PDE3A: variants seen among roughly 807,000 people sequenced by gnomAD.
The protein encoded by PDE3A is phosphodiesterase 3A.
A neutral mutation model predicts 98.3 loss-of-function variants in PDE3A; 43 were observed. That is an observed-to-expected ratio of 0.44 (90% CI 0.34 to 0.56). PDE3A has a LOEUF of 0.56. Among genes scored for constraint, PDE3A ranks in the 20% least tolerant of loss-of-function variants. The pLI is 0.01. For missense variants in PDE3A, 1,427 were observed against 1,440.7 expected, an observed-to-expected ratio of 0.99 and a Z score of 0.15; for synonymous variants, 663 against 567.9, an observed-to-expected ratio of 1.17 and a Z score of -2.38.
chr12:20,512,735 C>T (rs1048627335), intron 1 of PDE3A, among the ~76,000 whole-genome samples: 1 of 152,074 alleles, frequency 6.6e-6, no homozygotes, highest in Non-Finnish European at 1.5e-5. Flanking sequence ...AGTACTGCTT[C>T]GTAAATTGCA....
At chr12:20,452,015 C>T (rs1231032837) in intron 1 of PDE3A, among the ~76,000 whole-genome samples, 1 of 152,168 alleles carries the variant, frequency 6.6e-6, no homozygotes, top group African/African-American at 2.4e-5. Context: ...TCTCTCATCA[C>T]CTGACCAAAA....
At chr12:20,641,186 TG>T (rs941361858) in intron 10 of PDE3A, among the ~76,000 whole-genome samples, 33 of 152,254 alleles carry the variant, frequency 2.2e-4, no homozygotes, top group African/African-American at 7.7e-4. Context: ...AATGAAAAAC[TG>T]AATCTACAAG....
At chr12:20,580,598 AT>A (rs1943039673) in intron 2 of PDE3A, among the ~76,000 whole-genome samples, 1 of 152,208 alleles carries the variant, frequency 6.6e-6, no homozygotes, top group Non-Finnish European at 1.5e-5. Context: ...ATAGCAATCA[AT>A]GAACTAGTGT....
chr12:20,513,503 A>C (rs753025025), intron 1 of PDE3A, among the ~76,000 whole-genome samples: 3 of 152,190 alleles, frequency 2.0e-5, no homozygotes, highest in Non-Finnish European at 2.9e-5. Context: ...GAAAGGTGTT[A>C]GCCCTTGGGA....
chr12:20,646,365 G>A, intron 10 of PDE3A, 125 bp from the exon 11 acceptor site: 1 of 617,618 alleles, frequency 1.6e-6, no homozygotes, highest in South Asian at 2.1e-5. Context: ...GTCCTAGAAA[G>A]TTTGGCCAAC....
intron 2 of PDE3A, among the ~76,000 whole-genome samples, chr12:20,557,606 A>C (rs547030899): frequency 3.9e-5 from 6 of 152,238 alleles, no homozygotes; most frequent in Non-Finnish European, 8.8e-5. Flanking sequence ...GCTTCTCCCA[A>C]GTGTTTACAA....
intron 2 of PDE3A, among the ~76,000 whole-genome samples, chr12:20,578,526 G>C (rs890740929): frequency 1.3e-5 from 2 of 151,542 alleles, no homozygotes; most frequent in Admixed American, 1.3e-4. Flanking sequence ...TCACTAATGC[G>C]CAGGTGGAAA....
intron 2 of PDE3A, among the ~76,000 whole-genome samples, chr12:20,574,976 A>G (rs184250159): frequency 1.7e-3 from 256 of 152,122 alleles, no homozygotes; most frequent in Middle Eastern, 3.4e-3. Context: ...AAGCCCCCAA[A>G]TGGAAATATC....
intron 2 of PDE3A, among the ~76,000 whole-genome samples, chr12:20,608,297 G>A (rs1943764312): frequency 1.3e-5 from 2 of 152,012 alleles, no homozygotes; most frequent in African/African-American, 4.8e-5. Flanking sequence ...TCTTACGTGT[G>A]ATGTGTCTGT....
chr12:20,631,114 A>G (rs1284674531), intron 6 of PDE3A, among the ~76,000 whole-genome samples: 2 of 152,062 alleles, frequency 1.3e-5, no homozygotes, highest in Non-Finnish European at 2.9e-5. Flanking sequence ...TACCTCCTTT[A>G]TCTTTACCGG....
chr12:20,387,265 T>C (rs1322748311), intron 1 of PDE3A, among the ~76,000 whole-genome samples: 1 of 152,022 alleles, frequency 6.6e-6, no homozygotes, highest in Non-Finnish European at 1.5e-5. Context: ...GCTCTTTTTT[T>C]TGGTTTCATA....
At chr12:20,616,989 T>C (rs1466099657) in intron 4 of PDE3A, among the ~76,000 whole-genome samples, 1 of 151,732 alleles carries the variant, frequency 6.6e-6, no homozygotes. Flanking sequence ...AGAAAATAGC[T>C]AAGGAAAGTG....
chr12:20,672,670 C>T (rs1285344263), intron 15 of PDE3A, among the ~76,000 whole-genome samples: 27 of 118,656 alleles, frequency 2.3e-4, no homozygotes, highest in African/African-American at 8.7e-4. Flanking sequence ...AACTGGATCC[C>T]TTCCTTACAC....
intron 1 of PDE3A, among the ~76,000 whole-genome samples, chr12:20,494,918 C>T (rs1272961862): frequency 6.6e-6 from 1 of 151,054 alleles, no homozygotes; most frequent in Non-Finnish European, 1.5e-5. Flanking sequence ...GTTTTGATGG[C>T]ATTGATGGCA....
intron 1 of PDE3A, among the ~76,000 whole-genome samples, chr12:20,406,499 G>C (rs1362758047): frequency 2.6e-5 from 4 of 152,076 alleles, no homozygotes; most frequent in African/African-American, 9.7e-5. Flanking sequence ...ACCTTTTCAT[G>C]TACTTGTTGG....
At position 20,654,150 on chromosome 12, in the gene PDE3A, G is replaced by C; in HGVS notation, c.3129G>C (p.Glu1043Asp). ...ATACTGATGACCCAGAAGAAGAGGA[G>C]GAAGAAGCACCAGCACCAAATGAAG... Reference protein sequence around the residue: ...SGDTDDPEEEEEEAPAPNEEE... With the variant: ...SGDTDDPEEEDEEAPAPNEEE... The change falls in exon 15 of 16, where the codon GAG becomes GAC. Residue 1043 changes from glutamate to aspartate, a missense_variant. Glu to Asp is a conservative substitution (Grantham distance 45). Around this residue, in one of 3 missense-constraint regions of PDE3A, gnomAD observed 142 missense variants for 133.9 expected, o/e 1.06. Coordinates refer to ENST00000359062, the MANE Select transcript of PDE3A (RefSeq NM_000921.5). The C allele has an allele frequency of 6.2e-7, 1 of 1,614,030 alleles. No individual in the cohort carries two copies. Among genetic ancestry groups the C allele is most frequent in the Non-Finnish European group, 8.5e-7 (1 of 1,179,920 alleles).
intron 1 of PDE3A, among the ~76,000 whole-genome samples, chr12:20,500,070 C>T (rs538307978): frequency 1.3e-5 from 2 of 152,294 alleles, no homozygotes; most frequent in East Asian, 3.9e-4. Flanking sequence ...AGAGTCTCTG[C>T]CACCTGTCTA....
chr12:20,430,549 T>G (rs1399378252), intron 1 of PDE3A, among the ~76,000 whole-genome samples: 1 of 152,172 alleles, frequency 6.6e-6, no homozygotes, highest in Non-Finnish European at 1.5e-5. Flanking sequence ...TTAATTGTTT[T>G]GGGGGCAGGG....
chr12:20,675,188 CATT>C (rs1945602879), intron 15 of PDE3A, among the ~76,000 whole-genome samples: 1 of 151,294 alleles, frequency 6.6e-6, no homozygotes, highest in Non-Finnish European at 1.5e-5. Flanking sequence ...CATTCAGAGA[CATT>C]TTTTTTAATT....
Sources: allele counts gnomAD v4.1 joint callset (sites outside exome capture counted in the v4.1 genomes callset), GRCh38; gene constraint gnomAD v4.1.1; regional missense constraint gnomAD v4.1.1; transcripts MANE v1.5; gene names NCBI Gene and HGNC (gene_info 2026-07-23, HGNC 2026-07-21).